YBX1: variants seen among roughly 807,000 people sequenced by gnomAD.
YBX1 encodes Y-box binding protein 1.
A neutral mutation model predicts 41.4 loss-of-function variants in YBX1; 3 were observed. The observed-to-expected ratio is 0.07, with a 90% confidence interval of 0.03 to 0.19. The LOEUF (loss-of-function observed/expected upper bound fraction) is 0.19, where lower values mean the gene tolerates loss of function less well. Among genes scored for constraint, YBX1 ranks in the 10% least tolerant of loss-of-function variants. The pLI is 1.00. For synonymous variants in YBX1, 133 were observed against 165.8 expected, an observed-to-expected ratio of 0.80 and a Z score of 1.52; for missense variants, 274 against 462.8, an observed-to-expected ratio of 0.59 and a Z score of 3.74.
At position 42,683,395 on chromosome 1, in the gene YBX1, T is replaced by G. The variant is rs1212004761; in HGVS notation, c.167-8T>G. ...TCGTGGCTTGTTTTGCTTTGTTTTC[T>G]TTTCCAGCAACGAAGGTTTTGGGAA... On this transcript the variant is annotated splice_polypyrimidine_tract_variant and splice_region_variant and intron_variant, in intron 1 of 7. Coordinates refer to ENST00000321358, the MANE Select transcript of YBX1 (RefSeq NM_004559.5). The G allele has an allele frequency of 3.7e-6, 6 of 1,614,084 alleles. No homozygotes were observed. The highest frequency in any genetic ancestry group is 5.1e-6 in the Non-Finnish European group (6 of 1,180,032).
intron 2 of YBX1, among the ~76,000 whole-genome samples, chr1:42,692,519 C>A (rs928541428): frequency 6.6e-6 from 1 of 152,118 alleles, no homozygotes; most frequent in African/African-American, 2.4e-5. Context: ...ATTTACAGGT[C>A]AGATTTAAAG....
chr1:42,683,936 T>G (rs1329412406), intron 2 of YBX1, among the ~76,000 whole-genome samples: 1 of 152,226 alleles, frequency 6.6e-6, no homozygotes, highest in African/African-American at 2.4e-5. Context: ...AGAGGTTGTA[T>G]TGCCTTTGTT....
At chr1:42,692,560 G>A (rs1052937173) in intron 2 of YBX1, among the ~76,000 whole-genome samples, 4 of 152,180 alleles carry the variant, frequency 2.6e-5, no homozygotes, top group African/African-American at 9.7e-5. Context: ...TGATGCATAT[G>A]TTGCCCCCAG....
rs942236426 is a variant in YBX1, at chr1:42,697,332, C to G, written c.740+70C>G. ...CGTGTTAGGACTCAGCAATATCATGCCTCTCCTGCAGACTCATTTTTCTGT... is the reference window on the plus strand; with the variant it reads ...CGTGTTAGGACTCAGCAATATCATGGCTCTCCTGCAGACTCATTTTTCTGT... On this transcript the variant is annotated intron_variant, in intron 6 of 7. Transcript: ENST00000321358. The G allele has an allele frequency of 7.5e-6, 11 of 1,459,592 alleles. No homozygotes were observed. In the African/African-American group the frequency reaches 1.1e-4, roughly 15 times the overall value. The allele number at this position is 1,459,592 out of a possible 1,614,324, so 90.4% of individuals were successfully genotyped here.
chr1:42,701,222 T>TC (rs1302617844), intron 7 of YBX1, among the ~76,000 whole-genome samples, 176 bp downstream of exon 7: 2 of 152,220 alleles, frequency 1.3e-5, no homozygotes, highest in African/African-American at 4.8e-5. Context: ...ATATTGAATA[T>TC]CAGAGTCATA....
At chr1:42,691,973 C>G (rs1192996374) in intron 2 of YBX1, among the ~76,000 whole-genome samples, 1 of 152,278 alleles carries the variant, frequency 6.6e-6, no homozygotes, top group East Asian at 1.9e-4. Flanking sequence ...GCCTCACCCC[C>G]CAGAGTAGCT....
chr1:42,696,117 T>C lies in YBX1; in HGVS notation c.265-82T>C. On this transcript the variant is annotated intron_variant, in intron 3 of 7. Coordinates refer to ENST00000321358, the MANE Select transcript of YBX1 (RefSeq NM_004559.5). This position sits in a 1 kb window ranked among gnomAD's most constrained non-coding sequence, Gnocchi z 5.7. Reference sequence around the variant, plus strand: ...TCTTAAGTGTATATCCAAGCTAAAATAATATTGACTCTGGTACATTTTAAA... The same window carrying C: ...TCTTAAGTGTATATCCAAGCTAAAACAATATTGACTCTGGTACATTTTAAA... 1 of 1,242,290 alleles carries C rather than the reference T, an allele frequency of 8.0e-7. No homozygotes were observed. Among genetic ancestry groups the C allele is most frequent in the Non-Finnish European group, 1.1e-6 (1 of 889,382 alleles). 77.0% of individuals were successfully genotyped at this position (1,242,290 alleles called of 1,614,324 possible). A position where few individuals can be genotyped will look rare whatever the true frequency, so the allele number is the denominator to read the frequency against.
Position 42,702,855 on chromosome 1 carries a change from G to T in YBX1, c.*906G>T, listed in dbSNP as rs1436297040. ...GTAATATAAAACCCATGGGAAAGCT[G>T]CTTAGGAACATGGAGGTTGGTGAGC... is the stretch of plus-strand genomic sequence containing the variant. On this transcript the variant is annotated 3_prime_UTR_variant, in exon 8 of 8. Transcript: ENST00000321358. Among the ~76,000 whole-genome samples, 1 of 152,204 alleles carries T rather than the reference G, an allele frequency of 6.6e-6. No homozygotes were observed. Among genetic ancestry groups the T allele is most frequent in the Non-Finnish European group, 1.5e-5 (1 of 68,034 alleles).
At chr1:42,689,635 C>T (rs966356183) in intron 2 of YBX1, among the ~76,000 whole-genome samples, 21 of 152,226 alleles carry the variant, frequency 1.4e-4, no homozygotes, top group African/African-American at 5.1e-4. Context: ...GGTGAACATG[C>T]TGGAGTAGAG....
intron 7 of YBX1, among the ~76,000 whole-genome samples, 181 bp from the exon 8 acceptor site, chr1:42,701,800 T>G (rs930458885): frequency 6.6e-6 from 1 of 152,200 alleles, no homozygotes; most frequent in Non-Finnish European, 1.5e-5. Flanking sequence ...TGATTGTTGT[T>G]CCCTCCAAAA....
At position 42,700,903 on chromosome 1, in the gene YBX1, G is replaced by T. The variant is rs1320178787; in HGVS notation, c.863G>T (p.Arg288Leu). 1 of 1,614,038 alleles carries T rather than the reference G, an allele frequency of 6.2e-7. No homozygotes were observed. Among genetic ancestry groups the T allele is most frequent in the African/African-American group, 1.3e-5 (1 of 74,994 alleles). The change falls in exon 7 of 8, where the codon CGA (arginine) becomes CTA (leucine). Residue 288 changes from arginine to leucine, a missense_variant. Arg to Leu is a moderately radical substitution (Grantham distance 102, BLOSUM62 -2). Coordinates refer to ENST00000321358, the MANE Select transcript of YBX1 (RefSeq NM_004559.5). ...CGGTACCGCCGCAACTTCAATTACC[G>T]ACGCAGACGCCCAGAAAACCCTAAA... Reference protein sequence around the residue: ...QRRYRRNFNYRRRRPENPKPQ... With the variant: ...QRRYRRNFNYLRRRPENPKPQ...
At chr1:42,700,182 T>C (rs1342086259) in intron 6 of YBX1, among the ~76,000 whole-genome samples, 1 of 152,060 alleles carries the variant, frequency 6.6e-6, no homozygotes, top group Non-Finnish European at 1.5e-5. Context: ...TAAATGTGAA[T>C]TTATTCCCAT....
intron 3 of YBX1, among the ~76,000 whole-genome samples, chr1:42,695,093 AC>A (rs1374965653): frequency 6.6e-6 from 1 of 152,254 alleles, no homozygotes; most frequent in Non-Finnish European, 1.5e-5. Flanking sequence ...GACTCAACTC[AC>A]CCAGTTGTAC....
At position 42,693,645 on chromosome 1, in the gene YBX1, C is replaced by G. The variant is rs536350278; in HGVS notation, c.264+122C>G. On this transcript the variant is annotated intron_variant, in intron 3 of 7. Transcript: ENST00000321358. ...GTCCAACCACCAGTTTATTTACTTA[C>G]GACAGGAGTAGTAGCATGCTTAAAA... 132 of 948,542 alleles carry G rather than the reference C, an allele frequency of 1.4e-4. No homozygotes were observed. In the Admixed American group the frequency reaches 1.5e-3, roughly 11 times the overall value. 58.8% of individuals were successfully genotyped at this position (948,542 alleles called of 1,614,324 possible). A position where few individuals can be genotyped will look rare whatever the true frequency, so the allele number is the denominator to read the frequency against.
Position 42,696,300 on chromosome 1 carries a change from T to A in YBX1, c.354+12T>A. 1 of 1,611,392 alleles carries A rather than the reference T, an allele frequency of 6.2e-7. No individual in the cohort carries two copies. The highest frequency in any genetic ancestry group is 8.5e-7 in the Non-Finnish European group (1 of 1,178,840). On this transcript the variant is annotated intron_variant, in intron 4 of 7. Coordinates refer to ENST00000321358, the MANE Select transcript of YBX1 (RefSeq NM_004559.5). This position sits in a 1 kb window ranked among gnomAD's most constrained non-coding sequence, Gnocchi z 5.7. ...TTGAAGGAGAAAAGGTGAGGATGCT[T>A]TTTGTGTAAAGGTTTGACTTCAGTA...
intron 6 of YBX1, among the ~76,000 whole-genome samples, chr1:42,698,299 A>G (rs1046940589): frequency 2.0e-5 from 3 of 152,186 alleles, no homozygotes; most frequent in Non-Finnish European, 4.4e-5. Flanking sequence ...ATGTCATCAT[A>G]TTTTTTGTAT....
chr1:42,699,587 A>G (rs1650543790), intron 6 of YBX1, among the ~76,000 whole-genome samples: 1 of 151,486 alleles, frequency 6.6e-6, no homozygotes, highest in African/African-American at 2.4e-5. Flanking sequence ...ATACTTGGAT[A>G]AAGAGGGGAG....
chr1:42,699,837 G>A (rs1650551304), intron 6 of YBX1, among the ~76,000 whole-genome samples: 2 of 152,128 alleles, frequency 1.3e-5, no homozygotes, highest in African/African-American at 2.4e-5. Flanking sequence ...AAGAAAAATA[G>A]GAAGGTACAT....
chr1:42,701,926 C>T (rs1449958191), intron 7 of YBX1, 55 bp from the exon 8 acceptor site: 1 of 152,736 alleles, frequency 6.5e-6, no homozygotes, highest in East Asian at 1.9e-4. Context: ...ATGTACTACA[C>T]TAAATGAAGA....
Sources: gnomAD v4.1 joint callset for allele counts (sites outside exome capture counted in the v4.1 genomes callset) on GRCh38, gnomAD v4.1.1 for gene constraint, Gnocchi (gnomAD v3.1) non-coding constraint, MANE v1.5 for transcripts, NCBI Gene and HGNC (gene_info 2026-07-23, HGNC 2026-07-21) for gene names.